Variants in LMNB1 observed in about 807,000 individuals in gnomAD.
LMNB1 encodes lamin B1.
In LMNB1, 23 loss-of-function variants were observed where a neutral mutation model predicts 67.1. The observed-to-expected ratio is 0.34, with a 90% confidence interval of 0.25 to 0.49. LMNB1 has a LOEUF of 0.49. Among genes scored for constraint, LMNB1 ranks in the 20% least tolerant of loss-of-function variants. The probability of loss-of-function intolerance (pLI) is 0.99; values close to 1 mark genes in which losing one functional copy is unlikely to be tolerated. For missense variants in LMNB1, 634 were observed against 746.5 expected (o/e 0.85, Z 1.76); for synonymous variants, 281 against 282.9 (o/e 0.99, Z 0.07).
intron 1 of LMNB1, among the ~76,000 whole-genome samples, chr5:126,804,568 A>G (rs1751368986): frequency 6.6e-6 from 1 of 152,204 alleles, no homozygotes; most frequent in Admixed American, 6.5e-5. Context: ...TCTTTGACCC[A>G]TAGTTATTAG....
chr5:126,813,728 C>A (rs1343189793), intron 5 of LMNB1, among the ~76,000 whole-genome samples: 1 of 152,110 alleles, frequency 6.6e-6, no homozygotes, highest in Non-Finnish European at 1.5e-5. Context: ...CACCCTTGGC[C>A]CTATATTATA....
At chr5:126,792,663 G>A (rs989191433) in intron 1 of LMNB1, among the ~76,000 whole-genome samples, 37 of 133,362 alleles carry the variant, frequency 2.8e-4, no homozygotes, top group South Asian at 2.6e-4. Flanking sequence ...CGCAACCTCC[G>A]CCTCCCAGGT....
At chr5:126,795,982 G>C (rs1038655181) in intron 1 of LMNB1, among the ~76,000 whole-genome samples, 4 of 118,780 alleles carry the variant, frequency 3.4e-5, no homozygotes, top group African/African-American at 1.2e-4. Flanking sequence ...GCCCAGGTGG[G>C]AGTGCAATGG....
intron 5 of LMNB1, among the ~76,000 whole-genome samples, chr5:126,815,495 C>T (rs1464335989): frequency 6.6e-6 from 1 of 152,174 alleles, no homozygotes; most frequent in African/African-American, 2.4e-5. Context: ...GTTTTTCTAA[C>T]ACCCAGATTC....
chr5:126,824,268 T>G (rs1039110681), intron 8 of LMNB1, among the ~76,000 whole-genome samples: 44 of 152,244 alleles, frequency 2.9e-4, no homozygotes, highest in Non-Finnish European at 1.3e-4. Context: ...AATTTTCTTA[T>G]AGCCGCATTA....
At chr5:126,780,463 G>C (rs924524630) in intron 1 of LMNB1, among the ~76,000 whole-genome samples, 3 of 152,164 alleles carry the variant, frequency 2.0e-5, no homozygotes, top group Non-Finnish European at 4.4e-5. Context: ...AGTTGTAAAT[G>C]TATCGATTCT....
At chr5:126,787,546 A>ATATATATATATTTTTTT in intron 1 of LMNB1, among the ~76,000 whole-genome samples, 8 of 65,536 alleles carry the variant, frequency 1.2e-4, no homozygotes, top group Non-Finnish European at 1.6e-4. Flanking sequence ...ATATATATAT[A>ATATATATATATTTTTTT]TTTTTTTTTT....
chr5:126,810,176 C>T lies in LMNB1; in HGVS notation c.643-4C>T, dbSNP rs558624657. ...TGGCTTTATGCTTTTTGTTTTTTCCCCAGGAGATTAACGAGACCAGAAGGA... is the reference window on the plus strand; with the variant it reads ...TGGCTTTATGCTTTTTGTTTTTTCCTCAGGAGATTAACGAGACCAGAAGGA... On this transcript the variant is annotated splice_region_variant and splice_polypyrimidine_tract_variant and intron_variant, in intron 3 of 10. Coordinates refer to ENST00000261366, the MANE Select transcript of LMNB1 (RefSeq NM_005573.4). 5 of 1,605,874 alleles carry T rather than the reference C, an allele frequency of 3.1e-6. No homozygotes were observed. The highest frequency in any genetic ancestry group is 1.7e-5 in the Admixed American group (1 of 59,776).
chr5:126,800,417 G>A (rs1751240813), intron 1 of LMNB1, among the ~76,000 whole-genome samples: 1 of 152,004 alleles, frequency 6.6e-6, no homozygotes, highest in Non-Finnish European at 1.5e-5. Context: ...CAGTTGGTTA[G>A]GAATTAGATG....
chr5:126,809,582 G>A (rs1255179503), intron 3 of LMNB1, among the ~76,000 whole-genome samples: 1 of 152,136 alleles, frequency 6.6e-6, no homozygotes, highest in Non-Finnish European at 1.5e-5. Context: ...AGTTACTAGG[G>A]AGGCTGATGC....
intron 3 of LMNB1, among the ~76,000 whole-genome samples, chr5:126,807,982 C>G (rs1399520185): frequency 1.3e-5 from 2 of 148,786 alleles, no homozygotes; most frequent in African/African-American, 5.0e-5. Context: ...AGCGATTCTT[C>G]TGCTTCAGCC....
chr5:126,777,273 A>C lies in LMNB1; in HGVS notation c.-236A>C. 1 of 372,638 alleles carries C rather than the reference A, an allele frequency of 2.7e-6. No individual in the cohort carries two copies. Among genetic ancestry groups the C allele is most frequent in the Non-Finnish European group, 4.7e-6 (1 of 211,788 alleles). 23.1% of individuals were successfully genotyped at this position (372,638 alleles called of 1,614,324 possible). ...AGTGGGTGTGTGTGTTTTCTTACAAAGGGTATTTCGCGATCGATCGATTGA... is the reference window on the plus strand; with the variant it reads ...AGTGGGTGTGTGTGTTTTCTTACAACGGGTATTTCGCGATCGATCGATTGA... On this transcript the variant is annotated 5_prime_UTR_variant, in exon 1 of 11. Transcript: ENST00000261366.
At chr5:126,812,742 T>C (rs1384453732) in intron 5 of LMNB1, among the ~76,000 whole-genome samples, 2 of 102,854 alleles carry the variant, frequency 1.9e-5, no homozygotes, top group East Asian at 5.0e-4. Flanking sequence ...TTTTTTTTTT[T>C]CTTTTTGAGA....
intron 9 of LMNB1, among the ~76,000 whole-genome samples, chr5:126,831,182 C>G (rs1369862416): frequency 6.6e-6 from 1 of 152,214 alleles, no homozygotes. Flanking sequence ...TGTAAACTAG[C>G]TGGTCTGTGT....
At chr5:126,827,696 A>G (rs1752028224) in intron 9 of LMNB1, among the ~76,000 whole-genome samples, 1 of 152,188 alleles carries the variant, frequency 6.6e-6, no homozygotes, top group Admixed American at 6.5e-5. Context: ...TTGTCAGGAG[A>G]GGGTCCAGAA....
rs1751996578 is a variant in LMNB1, at chr5:126,826,220, A to G, written c.1611+113A>G. 1.1e-5 allele frequency: 13 copies of G among 1,209,954 alleles called. No individual in the cohort carries two copies. In the South Asian group the frequency reaches 1.5e-4, roughly 14 times the overall value. The allele number at this position is 1,209,954 out of a possible 1,614,324, so 75.0% of individuals were successfully genotyped here. On this transcript the variant is annotated intron_variant, in intron 9 of 10. Coordinates refer to ENST00000261366, the MANE Select transcript of LMNB1 (RefSeq NM_005573.4). Reference sequence around the variant, plus strand: ...AATAACCGATTGCATAAACAGACCAAAGCTGCTAAGTTAATTGAACTGAAG... The same window carrying G: ...AATAACCGATTGCATAAACAGACCAGAGCTGCTAAGTTAATTGAACTGAAG...
rs756543774 is a variant in LMNB1 at position 126,821,151 on chromosome 5, C to G, written c.1386+16C>G. On this transcript the variant is annotated intron_variant, in intron 7 of 10. Coordinates refer to ENST00000261366, the MANE Select transcript of LMNB1 (RefSeq NM_005573.4). ...TTCTGAACAGGTAATAAAATAGACCCTTTTTTTTCTAGCAAGGCTTTGTGG... is the reference window on the plus strand; with the variant it reads ...TTCTGAACAGGTAATAAAATAGACCGTTTTTTTTCTAGCAAGGCTTTGTGG... 4.8e-5 allele frequency: 73 copies of G among 1,534,864 alleles called. No individual in the cohort carries two copies. Among genetic ancestry groups the G allele is most frequent in the Non-Finnish European group, 6.4e-5 (71 of 1,108,566 alleles).
At chr5:126,787,099 C>T (rs753584349) in intron 1 of LMNB1, among the ~76,000 whole-genome samples, 1 of 152,138 alleles carries the variant, frequency 6.6e-6, no homozygotes, top group Non-Finnish European at 1.5e-5. Flanking sequence ...ATGGGATACT[C>T]AGTCCCCATT....
At position 126,819,007 on chromosome 5, in the gene LMNB1, A is replaced by C. The variant is rs892136955; in HGVS notation, c.1025A>C (p.Lys342Thr). 16 of 1,613,964 alleles carry C rather than the reference A, an allele frequency of 9.9e-6. No individual in the cohort carries two copies. The highest frequency in any genetic ancestry group is 3.3e-5 in the South Asian group (3 of 91,082). ...AACTCTCGTCGCATGCTGACAGACAAAGAGAGAGAGATGGCGGAAATAAGG... is the reference window on the plus strand; with the variant it reads ...AACTCTCGTCGCATGCTGACAGACACAGAGAGAGAGATGGCGGAAATAAGG... ...KDNSRRMLTD[K>T]EREMAEIRDQ... is the part of the protein sequence containing the mutation. The change falls in exon 6 of 11, where the codon AAA becomes ACA. Residue 342 changes from lysine (K) to threonine (T), a missense_variant. Coordinates refer to ENST00000261366, the MANE Select transcript of LMNB1 (RefSeq NM_005573.4).
Sources: allele counts gnomAD v4.1 joint callset (sites outside exome capture counted in the v4.1 genomes callset), GRCh38; gene constraint gnomAD v4.1.1; transcripts MANE v1.5; gene names NCBI Gene and HGNC (gene_info 2026-07-23, HGNC 2026-07-21).